The following SAMD8 variants were observed in gnomAD, a reference collection of about 807,000 sequenced individuals.
SAMD8 encodes sphingomyelin synthase-related protein 1.
In SAMD8, 20 loss-of-function variants were observed where a neutral mutation model predicts 42.0. The observed-to-expected ratio is 0.48, with a 90% CI of 0.34 to 0.69. The LOEUF (loss-of-function observed/expected upper bound fraction) is 0.69, where lower values mean the gene tolerates loss of function less well. SAMD8 is among the 30% of genes least tolerant of loss of function. The pLI is 0.01. For synonymous variants in SAMD8, 162 were observed against 173.0 expected, an observed-to-expected ratio of 0.94 and a Z score of 0.50; for missense variants, 328 against 511.6, an observed-to-expected ratio of 0.64 and a Z score of 3.46.
chr10:75,135,741 G>A (rs1839872482), intron 1 of SAMD8, among the ~76,000 whole-genome samples: 1 of 151,752 alleles, frequency 6.6e-6, no homozygotes, highest in Admixed American at 6.6e-5. Flanking sequence ...CAGGAGAATG[G>A]TGTGAACCTG....
chr10:75,169,796 G>A (rs886558996), intron 4 of SAMD8, among the ~76,000 whole-genome samples: 1 of 151,768 alleles, frequency 6.6e-6, no homozygotes, highest in Admixed American at 6.6e-5. Context: ...GTAATCCCAG[G>A]TACTCGGAAG....
chr10:75,109,134 C>A, upstream of SAMD8: 1 of 1,603,692 alleles, frequency 6.2e-7, no homozygotes, highest in Non-Finnish European at 8.5e-7. Context: ...CTCCCCCCAG[C>A]TCTGGGAGAG....
At chr10:75,142,879 CAAAT>C (rs1218518640) in intron 1 of SAMD8, among the ~76,000 whole-genome samples, 2 of 152,136 alleles carry the variant, frequency 1.3e-5, no homozygotes. Flanking sequence ...TCCTGAAGGA[CAAAT>C]GAATGAGGAC....
chr10:75,170,600 TTA>T (rs1318490180), intron 4 of SAMD8, among the ~76,000 whole-genome samples: 1 of 151,678 alleles, frequency 6.6e-6, no homozygotes, highest in African/African-American at 2.4e-5. Context: ...AATTATAAAA[TTA>T]TATGTTTATT....
upstream of SAMD8, among the ~76,000 whole-genome samples, chr10:75,110,282 A>C (rs1848734163): frequency 6.6e-6 from 1 of 152,158 alleles, no homozygotes; most frequent in African/African-American, 2.4e-5. Flanking sequence ...TGGGAGGGAG[A>C]TTCCTCTGCC....
intron 3 of SAMD8, among the ~76,000 whole-genome samples, chr10:75,166,376 A>T (rs992603472): frequency 6.7e-6 from 1 of 150,338 alleles, no homozygotes; most frequent in African/African-American, 2.5e-5. Context: ...AACTGTAGAT[A>T]TGTGAGCTTT....
At chr10:75,123,020 A>G (rs1255296456) in intron 1 of SAMD8, among the ~76,000 whole-genome samples, 1 of 152,146 alleles carries the variant, frequency 6.6e-6, no homozygotes, top group Non-Finnish European at 1.5e-5. Context: ...TATTTGGTTA[A>G]GTATTTTTGC....
At position 75,164,661 on chromosome 10, in the gene SAMD8, T is replaced by C. The variant is rs1564693815; in HGVS notation, c.595T>C (p.Trp199Arg). 6.2e-7 allele frequency: 1 copy of C among 1,614,152 alleles called. No individual in the cohort carries two copies. Among genetic ancestry groups the C allele is most frequent in the Admixed American group, 1.7e-5 (1 of 60,014 alleles). ...IFLDSVPRIP[W>R]AFAMTEVCGM... ...CTGTTCCAGCGTTCCTAGAATCCCA[T>C]GGGCCTTTGCCATGACGGAAGTATG... is the stretch of plus-strand genomic sequence containing the variant. Residue 199 changes from tryptophan to arginine, a missense_variant, in exon 3 of 6, where the codon TGG (tryptophan) becomes CGG (arginine). Physicochemically the swap from Trp to Arg is moderately radical, Grantham distance 101. Coordinates refer to ENST00000542569, the MANE Select transcript of SAMD8 (RefSeq NM_001174156.2).
intron 1 of SAMD8, among the ~76,000 whole-genome samples, chr10:75,135,725 C>T (rs1225744833): frequency 6.6e-6 from 1 of 151,524 alleles, no homozygotes; most frequent in South Asian, 2.1e-4. Context: ...ACTTGGGAGG[C>T]TGAGGCAGGA....
chr10:75,150,333 A>C, intron 1 of SAMD8, 181 bp from the exon 2 acceptor site: 1 of 393,602 alleles, frequency 2.5e-6, no homozygotes. Flanking sequence ...GTGGCCCAGG[A>C]CTGGTCTCGA....
At chr10:75,136,491 G>T (rs1432185279) in intron 1 of SAMD8, among the ~76,000 whole-genome samples, 1 of 152,136 alleles carries the variant, frequency 6.6e-6, no homozygotes, top group African/African-American at 2.4e-5. Context: ...ACAGCTTGAA[G>T]CCTTGACCTT....
intron 1 of SAMD8, chr10:75,103,917 TGA>T (rs1415853856): frequency 3.8e-6 from 5 of 1,313,736 alleles, no homozygotes; most frequent in Non-Finnish European, 5.0e-6. Context: ...AGACAGTGGC[TGA>T]GAGGGGGTGT....
intron 1 of SAMD8, among the ~76,000 whole-genome samples, chr10:75,144,429 A>G (rs1159441923): frequency 6.6e-6 from 1 of 151,908 alleles, no homozygotes; most frequent in Non-Finnish European, 1.5e-5. Flanking sequence ...CCTGACAGCC[A>G]CCATTCTACT....
intron 2 of SAMD8, among the ~76,000 whole-genome samples, chr10:75,158,842 C>T (rs1445129889): frequency 1.3e-5 from 2 of 152,052 alleles, no homozygotes; most frequent in Non-Finnish European, 2.9e-5. Context: ...TTGTGTCACT[C>T]AGCATAATAT....
chr10:75,153,549 G>A (rs1840340175), intron 2 of SAMD8, among the ~76,000 whole-genome samples: 1 of 151,726 alleles, frequency 6.6e-6, no homozygotes, highest in Admixed American at 6.6e-5. Flanking sequence ...GGGAGGCAGA[G>A]GTTGCAGTGA....
At chr10:75,143,711 A>G (rs868217325) in intron 1 of SAMD8, among the ~76,000 whole-genome samples, 2 of 152,024 alleles carry the variant, frequency 1.3e-5, no homozygotes, top group Non-Finnish European at 2.9e-5. Flanking sequence ...GTTTTTAAGT[A>G]ATTTGATTTT....
chr10:75,138,205 G>A (rs960127567), intron 1 of SAMD8, among the ~76,000 whole-genome samples: 3 of 152,110 alleles, frequency 2.0e-5, no homozygotes, highest in African/African-American at 7.2e-5. Flanking sequence ...TGTGTAGTAG[G>A]AGGAAACGAC....
In SAMD8 at chr10:75,176,626, C is replaced by T; in HGVS notation, c.1182C>T (p.Gly394=). 6.5e-7 allele frequency: 1 copy of T among 1,549,690 alleles called. No homozygotes were observed. Among genetic ancestry groups the T allele is most frequent in the Non-Finnish European group, 8.7e-7 (1 of 1,146,460 alleles). ...CTTTTTTTGAATGCAATGTTAATGG[C>T]ACAGTACCTAATGAATATTGTTGGC... ...MFSFFECNVN[G]TVPNEYCWPF... is the part of the protein sequence containing the mutation. Residue 394 remains glycine (G), a synonymous_variant, in exon 6 of 6, where the codon GGC becomes GGT. Coordinates refer to ENST00000542569, the MANE Select transcript of SAMD8 (RefSeq NM_001174156.2). The surrounding 1 kb of genome is among the most constrained non-coding windows in gnomAD (Gnocchi z 4.3).
intron 3 of SAMD8, among the ~76,000 whole-genome samples, chr10:75,165,801 C>A (rs1243756172): frequency 6.7e-6 from 1 of 149,772 alleles, no homozygotes; most frequent in Non-Finnish European, 1.5e-5. Flanking sequence ...CATGAGGAGA[C>A]CCTGTCTCTA....
Sources: gnomAD v4.1 joint callset for allele counts (sites outside exome capture counted in the v4.1 genomes callset) on GRCh38, gnomAD v4.1.1 for gene constraint, Gnocchi (gnomAD v3.1) non-coding constraint, MANE v1.5 for transcripts, NCBI Gene and HGNC (gene_info 2026-07-23, HGNC 2026-07-21) for gene names.